The following PPP4R1 variants were observed in gnomAD, a reference collection of about 807,000 sequenced individuals.
PPP4R1 encodes the protein serine/threonine-protein phosphatase 4 regulatory subunit 1.
A neutral mutation model predicts 111.2 loss-of-function variants in PPP4R1; 42 were observed. The ratio of observed to expected loss-of-function variants is 0.38; its 90% confidence interval spans 0.29 to 0.49. The LOEUF is 0.49. Among genes scored for constraint, PPP4R1 ranks in the 20% least tolerant of loss-of-function variants. The pLI is 0.97. For missense variants in PPP4R1, 1,012 were observed against 1,161.6 expected (o/e 0.87, Z 1.87); for synonymous variants, 409 against 405.5 (o/e 1.01, Z -0.10).
intron 12 of PPP4R1, 34 bp from the exon 13 acceptor site, chr18:9,562,109 C>T (rs1157130645): frequency 3.4e-6 from 5 of 1,470,396 alleles, no homozygotes; most frequent in East Asian, 4.6e-5. Context: ...AAAGAGCTGT[C>T]CTGTCTGTAC....
chr18:9,569,650 T>A (rs2066827652), intron 11 of PPP4R1, among the ~76,000 whole-genome samples: 1 of 152,128 alleles, frequency 6.6e-6, no homozygotes, highest in Non-Finnish European at 1.5e-5. Flanking sequence ...TTCCTGAAAA[T>A]CAGATTAATT....
chr18:9,615,640 C>G (rs1416671335), upstream of PPP4R1, among the ~76,000 whole-genome samples: 1 of 152,200 alleles, frequency 6.6e-6, no homozygotes, highest in African/African-American at 2.4e-5. Context: ...GCTCTATCTC[C>G]AGCTCCACCC....
At chr18:9,553,881 T>C (rs2066527567) in intron 15 of PPP4R1, among the ~76,000 whole-genome samples, 1 of 152,220 alleles carries the variant, frequency 6.6e-6, no homozygotes, top group Non-Finnish European at 1.5e-5. Flanking sequence ...TCTATAAATA[T>C]TTAAAGGTAA....
chr18:9,597,066 G>A lies in PPP4R1; in HGVS notation c.53-1913C>T, dbSNP rs181920851. Among the ~76,000 whole-genome samples, 113 of 152,244 alleles carry A rather than the reference G, an allele frequency of 7.4e-4. 2 individuals carry two copies. In the East Asian group the frequency reaches 0.019, roughly 26 times the overall value. On this transcript the variant is annotated intron_variant, in intron 2 of 19. Transcript: ENST00000400556. ...GAGGACTGTTTGAGCACGGGAGGTC[G>A]AGGGTGTACTCTTCTATAACTGCAT...
chr18:9,575,604 G>A (rs1308989037), intron 10 of PPP4R1, among the ~76,000 whole-genome samples: 1 of 152,140 alleles, frequency 6.6e-6, no homozygotes, highest in African/African-American at 2.4e-5. Flanking sequence ...TACAATGGAA[G>A]AAGAATCAAG....
intron 11 of PPP4R1, among the ~76,000 whole-genome samples, chr18:9,565,009 T>C (rs1598905471): frequency 6.6e-6 from 1 of 152,074 alleles, no homozygotes; most frequent in Admixed American, 6.6e-5. Context: ...ATGCTGGGCG[T>C]GATAACTGTA....
intron 19 of PPP4R1, 80 bp downstream of exon 19, chr18:9,549,117 C>T: frequency 6.6e-7 from 1 of 1,504,634 alleles, no homozygotes; most frequent in African/African-American, 1.4e-5. Flanking sequence ...AATACTTCTG[C>T]TTTGATATCT....
chr18:9,557,260 G>A lies in PPP4R1; in HGVS notation c.2151C>T (p.Val717=). Residue 717 remains valine, a synonymous_variant, in exon 15 of 20, where the codon GTC becomes GTT. Coordinates refer to ENST00000400556, the MANE Select transcript of PPP4R1 (RefSeq NM_001042388.3). Reference sequence around the variant, plus strand: ...GCAAGTGTTTAAGAACACCTATCCTGACTTCATCGAGGTCTTTTAAAAATC... The same window carrying A: ...GCAAGTGTTTAAGAACACCTATCCTAACTTCATCGAGGTCTTTTAAAAATC... ...FNGFLKDLDE[V]RIGVLKHLHD... The A allele has an allele frequency of 6.2e-7, 1 of 1,610,476 alleles. No individual in the cohort carries two copies. The highest frequency in any genetic ancestry group is 8.5e-7 in the Non-Finnish European group (1 of 1,179,044).
intron 9 of PPP4R1, among the ~76,000 whole-genome samples, chr18:9,579,133 C>A (rs898603574): frequency 6.6e-6 from 1 of 152,168 alleles, no homozygotes; most frequent in Non-Finnish European, 1.5e-5. Context: ...ACAATGAAAT[C>A]AGGACTGAAG....
chr18:9,553,181 A>G (rs403093), intron 16 of PPP4R1, 141 bp downstream of exon 16: 328,500 of 631,950 alleles, frequency 0.52, 86,375 homozygotes, highest in Middle Eastern at 0.68. Flanking sequence ...AGTAAGACAC[A>G]TATTACAGGA....
intron 16 of PPP4R1, 148 bp downstream of exon 16, chr18:9,553,174 A>G: frequency 1.6e-6 from 1 of 617,192 alleles, no homozygotes; most frequent in Non-Finnish European, 2.8e-6. Context: ...CACTGACAGT[A>G]AGACACATAT....
intron 14 of PPP4R1, among the ~76,000 whole-genome samples, chr18:9,558,594 C>A (rs948289047): frequency 6.6e-6 from 1 of 151,990 alleles, no homozygotes; most frequent in Non-Finnish European, 1.5e-5. Flanking sequence ...TTACTTCCAA[C>A]TTATAACTTG....
chr18:9,561,517 A>G (rs1394812803), intron 13 of PPP4R1, among the ~76,000 whole-genome samples: 1 of 152,178 alleles, frequency 6.6e-6, no homozygotes, highest in South Asian at 2.1e-4. Flanking sequence ...CCACATTTCA[A>G]TGATTCCGTG....
chr18:9,562,784 C>CGGAG (rs2066699935), intron 12 of PPP4R1: 1 of 822,482 alleles, frequency 1.2e-6, no homozygotes, highest in African/African-American at 1.9e-5. Flanking sequence ...TTCCTTCTCC[C>CGGAG]CATTTGTATA....
intron 11 of PPP4R1, among the ~76,000 whole-genome samples, chr18:9,567,158 T>G (rs1181089595): frequency 2.0e-5 from 3 of 152,192 alleles, no homozygotes; most frequent in Non-Finnish European, 2.9e-5. Flanking sequence ...CATTCACGAT[T>G]CATGGGAGGA....
Position 9,614,125 on chromosome 18 carries a change from T to G in PPP4R1, c.52+101A>C. On this transcript the variant is annotated intron_variant, in intron 2 of 19. Transcript: ENST00000400556. This position sits in a 1 kb window ranked among gnomAD's most constrained non-coding sequence, Gnocchi z 4.1. The stretch of plus-strand genomic sequence containing the variant: ...CGCCTGGGGCCGCCCTCGCCCACCG[T>G]CCCCTCAGCCAGCCAGGGCCCGGCC... 9.7e-7 allele frequency: 1 copy of G among 1,029,922 alleles called. No individual in the cohort carries two copies. Among genetic ancestry groups the G allele is most frequent in the Non-Finnish European group, 1.2e-6 (1 of 812,568 alleles). The allele number at this position is 1,029,922 out of a possible 1,614,324, so 63.8% of individuals were successfully genotyped here. A position where few individuals can be genotyped will look rare whatever the true frequency, so the allele number is the denominator to read the frequency against.
intron 9 of PPP4R1, among the ~76,000 whole-genome samples, chr18:9,582,289 A>T (rs531380337): frequency 6.6e-6 from 1 of 151,056 alleles, no homozygotes. Flanking sequence ...AACCTTTAGC[A>T]GACTGGCCAA....
At chr18:9,615,264 G>A (rs2067675175), upstream of PPP4R1, 1 of 152,294 alleles carries the variant, frequency 6.6e-6, no homozygotes, top group Non-Finnish European at 1.5e-5. Flanking sequence ...AACTCGAGCT[G>A]ACAAGGCGGG....
In PPP4R1 at chr18:9,592,708, G is replaced by A. The variant is rs199824877; in HGVS notation, c.295+1060C>T. ...AAAAAACTCTGGAGCTGGTAAACAG[G>A]TAAAGGAAAACACAAATCTATCCTT... On this transcript the variant is annotated intron_variant, in intron 4 of 19. Coordinates refer to ENST00000400556, the MANE Select transcript of PPP4R1 (RefSeq NM_001042388.3). 3.3e-5 allele frequency among the ~76,000 whole-genome samples: 5 copies of A among 150,828 alleles called. No individual in the cohort carries two copies. In the East Asian group the frequency reaches 9.7e-4, roughly 29 times the overall value.
Sources: gnomAD v4.1 joint callset for allele counts (sites outside exome capture counted in the v4.1 genomes callset) on GRCh38, gnomAD v4.1.1 for gene constraint, Gnocchi (gnomAD v3.1) non-coding constraint, MANE v1.5 for transcripts, NCBI Gene and HGNC (gene_info 2026-07-23, HGNC 2026-07-21) for gene names.